The following CLVS1 variants were observed in gnomAD, a reference collection of about 807,000 sequenced individuals.
CLVS1 encodes the protein clavesin 1, also known as clavesin-1.
CLVS1 carries 10 observed loss-of-function variants against 33.1 expected under a neutral mutation model. That is an observed-to-expected ratio of 0.30 (90% CI 0.19 to 0.51). The LOEUF (loss-of-function observed/expected upper bound fraction) is 0.51. Among genes scored for constraint, CLVS1 ranks in the 20% least tolerant of loss-of-function variants. CLVS1 has a pLI of 0.97. For synonymous variants in CLVS1, 163 were observed against 166.1 expected (o/e 0.98, Z 0.14); for missense variants, 343 against 433.4 (o/e 0.79, Z 1.85).
chr8:61,227,245 G>A (rs1808351455), intron 2 of CLVS1, among the ~76,000 whole-genome samples: 1 of 151,242 alleles, frequency 6.6e-6, no homozygotes, highest in Non-Finnish European at 1.5e-5. Flanking sequence ...TAAGAATGAA[G>A]TCCTTTTGGA....
chr8:61,021,660 A>G, the CLVS1 span, among the ~76,000 whole-genome samples: 3 of 151,862 alleles, frequency 2.0e-5, no homozygotes, highest in Non-Finnish European at 2.9e-5. Context: ...CCCGGCCTCC[A>G]TGGTTGTTTT....
chr8:61,149,398 A>G (rs1165922084), intron 2 of CLVS1, among the ~76,000 whole-genome samples: 2 of 151,918 alleles, frequency 1.3e-5, no homozygotes, highest in East Asian at 3.9e-4. Context: ...CTAAAAATAC[A>G]AAAATTAACC....
chr8:61,162,943 C>T (rs563442774), intron 2 of CLVS1, among the ~76,000 whole-genome samples: 21 of 152,116 alleles, frequency 1.4e-4, no homozygotes, highest in East Asian at 3.8e-4. Context: ...ACCCATGACA[C>T]GTAAAATTAT....
At chr8:61,272,756 A>T (rs376886898) in intron 2 of CLVS1, among the ~76,000 whole-genome samples, 1 of 151,930 alleles carries the variant, frequency 6.6e-6, no homozygotes, top group Admixed American at 6.6e-5. Context: ...ATCTTCCATC[A>T]CTGATACCCT....
intron 1 of CLVS1, among the ~76,000 whole-genome samples, chr8:61,128,199 C>T (rs142930494): frequency 5.3e-5 from 8 of 152,258 alleles, no homozygotes; most frequent in Non-Finnish European, 7.4e-5. Flanking sequence ...AGTCATGATA[C>T]CAAGACTTAT....
At chr8:61,135,965 G>C (rs1806185002) in intron 2 of CLVS1, among the ~76,000 whole-genome samples, 1 of 152,258 alleles carries the variant, frequency 6.6e-6, no homozygotes, top group Non-Finnish European at 1.5e-5. Context: ...GACTGCTCTA[G>C]AGCAGCCGCT....
intron 2 of CLVS1, among the ~76,000 whole-genome samples, chr8:61,149,396 A>G (rs1806479350): frequency 6.6e-6 from 1 of 151,952 alleles, no homozygotes; most frequent in Non-Finnish European, 1.5e-5. Flanking sequence ...TACTAAAAAT[A>G]CAAAAATTAA....
At chr8:61,405,096 G>A (rs1417817377) in intron 3 of CLVS1, among the ~76,000 whole-genome samples, 1 of 152,174 alleles carries the variant, frequency 6.6e-6, no homozygotes, top group Non-Finnish European at 1.5e-5. Context: ...AACTCTCTGG[G>A]GGGTAGTGAA....
the CLVS1 span, among the ~76,000 whole-genome samples, chr8:61,013,871 G>A: frequency 2.6e-5 from 4 of 152,188 alleles, no homozygotes; most frequent in Non-Finnish European, 4.4e-5. Flanking sequence ...GACGCAGCCT[G>A]TTGTGCTGCA....
At chr8:61,251,364 G>A (rs184997493) in intron 2 of CLVS1, among the ~76,000 whole-genome samples, 12 of 152,090 alleles carry the variant, frequency 7.9e-5, no homozygotes, top group East Asian at 3.9e-4. Flanking sequence ...GGATATTGGC[G>A]TGAAATTTTG....
rs1386882126 is a variant in CLVS1, at chr8:61,130,269, A to AAATAAATAAATG, written c.-242-1493_-242-1492insAATGAATAAATA. Among the ~76,000 whole-genome samples, 485 of 150,682 alleles carry AAATAAATAAATG rather than the reference A, an allele frequency of 3.2e-3. 2 individuals are homozygous for AAATAAATAAATG. Among genetic ancestry groups the AAATAAATAAATG allele is most frequent in the Non-Finnish European group, 5.0e-3 (336 of 67,670 alleles). On this transcript the variant is annotated intron_variant, in intron 1 of 2. Coordinates refer to the CLVS1 transcript ENST00000522621. ...TAAATAAATAAATAAATAAATAAAT[A>AAATAAATAAATG]AATAAATATAAAAATAATTTAAAAA...
chr8:61,256,392 A>G (rs1378086147), intron 2 of CLVS1, among the ~76,000 whole-genome samples: 2 of 152,218 alleles, frequency 1.3e-5, no homozygotes, highest in Non-Finnish European at 2.9e-5. Context: ...AGACACCTGT[A>G]GTCCCAGCTA....
chr8:60,968,258 G>T, the CLVS1 span, among the ~76,000 whole-genome samples: 2 of 152,288 alleles, frequency 1.3e-5, no homozygotes, highest in East Asian at 3.9e-4. Context: ...GCCCGTAATC[G>T]CAGCACTTTG....
chr8:61,328,156 T>C (rs1485466403), intron 2 of CLVS1, among the ~76,000 whole-genome samples: 2 of 152,108 alleles, frequency 1.3e-5, no homozygotes, highest in Admixed American at 6.6e-5. Context: ...CCTGAGACCA[T>C]AGCTGTAGTA....
At chr8:61,289,718 C>T (rs1809913805) in intron 1 of CLVS1, among the ~76,000 whole-genome samples, 1 of 152,196 alleles carries the variant, frequency 6.6e-6, no homozygotes, top group Non-Finnish European at 1.5e-5. Flanking sequence ...AACCAGCTTG[C>T]TCACCATTAG....
rs531064432 is a variant in CLVS1, at chr8:61,468,969, A to G, written c.977+10427A>G. ...CACGAGGTGCTGCCCTCTGCCTGTG[A>G]CACAGCAGCACAGCCACCCAGGCCA... On this transcript the variant is annotated intron_variant, in intron 5 of 5. Transcript: ENST00000325897. 2.0e-5 allele frequency among the ~76,000 whole-genome samples: 3 copies of G among 152,284 alleles called. No individual in the cohort carries two copies. In the East Asian group the frequency reaches 5.8e-4, roughly 29 times the overall value.
chr8:61,140,323 G>A (rs1246106006), intron 2 of CLVS1, among the ~76,000 whole-genome samples: 10 of 152,138 alleles, frequency 6.6e-5, no homozygotes, highest in African/African-American at 2.4e-4. Flanking sequence ...CGCACTCATG[G>A]TCTTGGTGTA....
At chr8:61,033,021 G>GA in the CLVS1 span, among the ~76,000 whole-genome samples, 1 of 108,514 alleles carries the variant, frequency 9.2e-6, no homozygotes, top group Non-Finnish European at 1.9e-5. Context: ...AAGAAAGAAA[G>GA]AAAGAAAGAA....
chr8:61,250,957 T>G (rs549677225), intron 2 of CLVS1, among the ~76,000 whole-genome samples: 1 of 152,338 alleles, frequency 6.6e-6, no homozygotes, highest in African/African-American at 2.4e-5. Context: ...CTGTGTTGAA[T>G]AGGAGTGGTG....
Sources: gnomAD v4.1 joint callset for allele counts (sites outside exome capture counted in the v4.1 genomes callset) on GRCh38, gnomAD v4.1.1 for gene constraint, MANE v1.5 for transcripts, NCBI Gene and HGNC (gene_info 2026-07-23, HGNC 2026-07-21) for gene names.